Variants in AP2A1 observed in about 807,000 individuals in gnomAD.
The protein encoded by AP2A1 is AP-2 complex subunit alpha-1.
Under a neutral mutation model 107.3 loss-of-function variants are expected in AP2A1, and 21 were observed. That is an observed-to-expected ratio of 0.20 (90% confidence interval 0.14 to 0.28). AP2A1 has a LOEUF of 0.28. Ranked by LOEUF, AP2A1 falls within the 10% of genes least tolerant of loss-of-function variation. The probability of loss-of-function intolerance (pLI) is 1.00; values close to 1 mark genes in which losing one functional copy is unlikely to be tolerated. For missense variants in AP2A1, 873 were observed against 1,307.7 expected (o/e 0.67, Z 5.13); for synonymous variants, 602 against 564.8 (o/e 1.07, Z -0.93).
chr19:49,768,012 G>A (rs2084520990), intron 1 of AP2A1, among the ~76,000 whole-genome samples: 1 of 151,952 alleles, frequency 6.6e-6, no homozygotes, highest in East Asian at 1.9e-4. Context: ...TTAGAGTAGG[G>A]GATTGGGGAA....
In AP2A1 at chr19:49,781,840, C is replaced by T; in HGVS notation, c.136+15C>T. 1.9e-6 allele frequency: 3 copies of T among 1,610,562 alleles called. 1 individual carries two copies. The Middle Eastern group carries it at 5.0e-4, about 266-fold the overall frequency. On this transcript the variant is annotated intron_variant, in intron 2 of 22. Coordinates refer to ENST00000354293, the MANE Select transcript of AP2A1 (RefSeq NM_130787.3). ...CAAGTTCAAAGGTAGGCTGGGGGCCCAACTTCTGGTTCTGAGGGAGGAGGG... is the reference window on the plus strand; with the variant it reads ...CAAGTTCAAAGGTAGGCTGGGGGCCTAACTTCTGGTTCTGAGGGAGGAGGG...
In AP2A1 at chr19:49,802,317, G is replaced by A. The variant is rs377008131; in HGVS notation, c.2114+176G>A. 8.7e-5 allele frequency: 71 copies of A among 814,196 alleles called. No individual in the cohort carries two copies. The East Asian group carries it at 9.1e-4, about 10-fold the overall frequency. The allele number at this position is 814,196 out of a possible 1,614,324, so 50.4% of individuals were successfully genotyped here. On this transcript the variant is annotated intron_variant, in intron 15 of 22. Coordinates refer to ENST00000354293, the MANE Select transcript of AP2A1 (RefSeq NM_130787.3). ...CCCCTGCCCCAGCCTCCCTGCTCAC[G>A]CCCTCCCTCTGCCACTCTGGACTCC...
At chr19:49,795,348 A>G (rs983530441) in intron 6 of AP2A1, among the ~76,000 whole-genome samples, 1 of 152,122 alleles carries the variant, frequency 6.6e-6, no homozygotes, top group Admixed American at 6.5e-5. Context: ...AGAGCCTCAG[A>G]TTCCTGCTTC....
At chr19:49,782,381 G>C in intron 3 of AP2A1, 150 bp from the exon 4 acceptor site, 2 of 868,482 alleles carry the variant, frequency 2.3e-6, no homozygotes, top group South Asian at 3.6e-5. Context: ...CTGGGGGCCT[G>C]GACTTGTGGG....
chr19:49,770,592 A>C (rs1471791278), intron 1 of AP2A1, among the ~76,000 whole-genome samples: 2 of 152,196 alleles, frequency 1.3e-5, no homozygotes, highest in African/African-American at 4.8e-5. Flanking sequence ...AATGCCCATC[A>C]ACTGAGAAAT....
chr19:49,774,572 C>T (rs940724356), intron 1 of AP2A1, among the ~76,000 whole-genome samples: 4 of 151,386 alleles, frequency 2.6e-5, no homozygotes, highest in Non-Finnish European at 5.9e-5. Context: ...TTTTTTGAGA[C>T]GGAGTCTTGC....
chr19:49,802,312 C>A (rs1263815545), intron 15 of AP2A1, 171 bp downstream of exon 15: 1 of 819,184 alleles, frequency 1.2e-6, no homozygotes, highest in Non-Finnish European at 2.0e-6. Flanking sequence ...AGCCTCCCTG[C>A]TCACGCCCTC....
chr19:49,800,909 C>T (rs1052701791), intron 11 of AP2A1, 52 bp from the exon 12 acceptor site: 23 of 1,486,220 alleles, frequency 1.5e-5, no homozygotes, highest in Admixed American at 1.3e-4. Flanking sequence ...CCACCGATCC[C>T]GGAGAGGGCG....
chr19:49,795,582 G>GCCCCCCCCCC, intron 6 of AP2A1, 48 bp from the exon 7 acceptor site: 11 of 692,046 alleles, frequency 1.6e-5, no homozygotes, highest in East Asian at 8.8e-5. Context: ...GGACCCACGT[G>GCCCCCCCCCC]CCCCTCCCAC....
intron 22 of AP2A1, 52 bp downstream of exon 22, chr19:49,806,305 T>G (rs2073381742): frequency 1.3e-6 from 2 of 1,533,572 alleles, no homozygotes; most frequent in East Asian, 2.3e-5. Flanking sequence ...GCCTGTCATC[T>G]CTGCGTCCAC....
chr19:49,787,362 T>G (rs1257561337), intron 4 of AP2A1, among the ~76,000 whole-genome samples: 2 of 142,076 alleles, frequency 1.4e-5, no homozygotes, highest in Non-Finnish European at 3.0e-5. Flanking sequence ...TTGTTTTTTT[T>G]TTTTTGAGGC....
Position 49,802,048 on chromosome 19 carries a change from C to A in AP2A1, c.2021C>A (p.Ala674Asp). The A allele has an allele frequency of 6.3e-7, 1 of 1,583,670 alleles. No homozygotes were observed. ...RAAPPPAAPP[A>D]SAGAGNLLVD... ...GCCCCTCCCCCGGCAGCACCCCCGG[C>A]TTCTGCAGGAGCAGGGAACCTTCTG... Residue 674 changes from alanine to aspartate, a missense_variant, in exon 15 of 23, where the codon GCT becomes GAT. Around this residue, in one of 4 missense-constraint regions of AP2A1, gnomAD observed 416 missense variants for 473.4 expected, o/e 0.88. Coordinates refer to ENST00000354293, the MANE Select transcript of AP2A1 (RefSeq NM_130787.3).
In AP2A1 at chr19:49,767,034, C is replaced by T. The variant is rs1201012597; in HGVS notation, c.-100C>T. 5.4e-6 allele frequency: 7 copies of T among 1,302,616 alleles called. No homozygotes were observed. The African/African-American group carries it at 9.3e-5, about 17-fold the overall frequency. 80.7% of individuals were successfully genotyped at this position (1,302,616 alleles called of 1,614,324 possible). A position where few individuals can be genotyped will look rare whatever the true frequency, so the allele number is the denominator to read the frequency against. ...GCCCTCCCCGCGGCCGGCTCGGCTC[C>T]TTGGCGCTGCCTGGGGTCCTTTCCG... On this transcript the variant is annotated 5_prime_UTR_variant, in exon 1 of 23. Transcript: ENST00000354293.
At chr19:49,795,849 C>G (rs1428984501) in intron 7 of AP2A1, 111 bp downstream of exon 7, 1 of 872,042 alleles carries the variant, frequency 1.1e-6, no homozygotes, top group African/African-American at 1.7e-5. Flanking sequence ...CAGGATTTCT[C>G]TGAAGCTGGG....
chr19:49,775,183 G>A (rs903398993), intron 1 of AP2A1, among the ~76,000 whole-genome samples: 4 of 152,104 alleles, frequency 2.6e-5, no homozygotes, highest in Non-Finnish European at 2.9e-5. Flanking sequence ...AGTCAAGATC[G>A]CACCACCACA....
chr19:49,792,885 A>G (rs1292014723), intron 5 of AP2A1, 106 bp from the exon 6 acceptor site: 11 of 994,408 alleles, frequency 1.1e-5, no homozygotes, highest in Non-Finnish European at 1.7e-5. Flanking sequence ...CCTAAACCCC[A>G]TCTTCCCGAC....
At chr19:49,801,195 G>T in intron 12 of AP2A1, 137 bp downstream of exon 12, 1 of 1,022,716 alleles carries the variant, frequency 9.8e-7, no homozygotes, top group Non-Finnish European at 1.4e-6. Context: ...ACCTAGCAGG[G>T]TAAGAAAGGA....
chr19:49,801,895 TC>T lies in AP2A1; in HGVS notation c.1953+10del. 6.8e-7 allele frequency: 1 copy of T among 1,471,980 alleles called. No homozygotes were observed. The allele number at this position is 1,471,980 out of a possible 1,614,324, so 91.2% of individuals were successfully genotyped here. A position where few individuals can be genotyped will look rare whatever the true frequency, so the allele number is the denominator to read the frequency against. ...AGCCCACCCCCAGCACTGTGGTGAG[TC>T]CCCTGGGGTGGGCCCTGCCAGGGTG... On this transcript the variant is annotated splice_region_variant and intron_variant, in intron 14 of 22. Coordinates refer to ENST00000354293, the MANE Select transcript of AP2A1 (RefSeq NM_130787.3).
In AP2A1 at chr19:49,799,308, T is replaced by C; in HGVS notation, c.966-19T>C. On this transcript the variant is annotated intron_variant, in intron 8 of 22. Coordinates refer to ENST00000354293, the MANE Select transcript of AP2A1 (RefSeq NM_130787.3). ...GTCAGTTTCTCTCACCATCCCTCTC[T>C]TGTGGCCCCTGCTGGCAGTGAGCCC... 6.2e-7 allele frequency: 1 copy of C among 1,606,394 alleles called. No homozygotes were observed. The highest frequency in any genetic ancestry group is 8.5e-7 in the Non-Finnish European group (1 of 1,178,900).
Sources: allele counts gnomAD v4.1 joint callset (sites outside exome capture counted in the v4.1 genomes callset), GRCh38; gene constraint gnomAD v4.1.1; regional missense constraint gnomAD v4.1.1; transcripts MANE v1.5; gene names NCBI Gene and HGNC (gene_info 2026-07-23, HGNC 2026-07-21).